The following ZNF664 variants were observed in gnomAD, a reference collection of about 807,000 sequenced individuals.
The protein encoded by ZNF664 is zinc finger protein 664.
A neutral mutation model predicts 18.2 loss-of-function variants in ZNF664; 10 were observed. The observed-to-expected ratio is 0.55, with a 90% CI of 0.34 to 0.93. ZNF664 has a LOEUF of 0.93. Ranked by LOEUF, ZNF664 falls within the 40% of genes least tolerant of loss-of-function variation. The pLI, the probability that ZNF664 is intolerant of heterozygous loss-of-function variation, is 0.02. For missense variants in ZNF664, 193 were observed against 319.0 expected, an observed-to-expected ratio of 0.61 and a Z score of 3.01; for synonymous variants, 119 against 104.2, an observed-to-expected ratio of 1.14 and a Z score of -0.86.
In ZNF664 at chr12:124,013,013, G is replaced by T. The variant is rs1460077567; in HGVS notation, c.*83G>T. The T allele has an allele frequency of 6.8e-6, 10 of 1,470,186 alleles. No homozygotes were observed. The African/African-American group carries it at 7.1e-5, about 11-fold the overall frequency. The allele number at this position is 1,470,186 out of a possible 1,614,324, so 91.1% of individuals were successfully genotyped here. A position where few individuals can be genotyped will look rare whatever the true frequency, so the allele number is the denominator to read the frequency against. On this transcript the variant is annotated 3_prime_UTR_variant, in exon 5 of 5. Coordinates refer to ENST00000337815, the MANE Select transcript of ZNF664 (RefSeq NM_152437.3). ...CCTGTATATACCTACATTGACCCAA[G>T]AAATATTTACGCAATCCCTAGCAGA...
intron 2 of ZNF664, among the ~76,000 whole-genome samples, chr12:123,986,208 A>T (rs1177457174): frequency 6.6e-6 from 1 of 152,096 alleles, no homozygotes; most frequent in Non-Finnish European, 1.5e-5. Flanking sequence ...GAGTTGAAGG[A>T]AGTGTTTTAG....
At chr12:123,985,053 G>T (rs546615496) in intron 2 of ZNF664, among the ~76,000 whole-genome samples, 1 of 152,188 alleles carries the variant, frequency 6.6e-6, no homozygotes, top group South Asian at 2.1e-4. Context: ...GAGCAGTTTT[G>T]TAGTGGGGGT....
intron 2 of ZNF664, among the ~76,000 whole-genome samples, chr12:123,982,511 G>A (rs1443651299): frequency 6.6e-6 from 1 of 152,084 alleles, no homozygotes; most frequent in Non-Finnish European, 1.5e-5. Flanking sequence ...ACTCTGGAAG[G>A]CCATTCTGAA....
At chr12:123,977,480 A>C (rs865905330) in intron 2 of ZNF664, among the ~76,000 whole-genome samples, 2 of 148,830 alleles carry the variant, frequency 1.3e-5, no homozygotes, top group African/African-American at 5.1e-5. Context: ...AAAAAAAAAA[A>C]CCCTAAACAA....
At chr12:124,007,724 A>G (rs530069066) in intron 3 of ZNF664, among the ~76,000 whole-genome samples, 1 of 152,180 alleles carries the variant, frequency 6.6e-6, no homozygotes, top group Admixed American at 6.5e-5. Context: ...GAAAATTTCA[A>G]CCATACACAA....
chr12:123,988,083 C>T lies in ZNF664; in HGVS notation c.-716C>T. The T allele has an allele frequency of 8.1e-7, 1 of 1,231,548 alleles. No individual in the cohort carries two copies. The highest frequency in any genetic ancestry group is 1.0e-6 in the Non-Finnish European group (1 of 987,862). 76.3% of individuals were successfully genotyped at this position (1,231,548 alleles called of 1,614,324 possible). ...TTTGTAGTCCTTCAGCCACTGTGGG[C>T]CCTGCCTCTGCCTGTTCTTCTGGAA... On this transcript the variant is annotated 5_prime_UTR_variant, in exon 3 of 5. Coordinates refer to ENST00000337815, the MANE Select transcript of ZNF664 (RefSeq NM_152437.3).
Position 123,973,365 on chromosome 12 carries a change from C to A in ZNF664, c.-892+13C>A. On this transcript the variant is annotated intron_variant, in intron 1 of 4. Coordinates refer to ENST00000337815, the MANE Select transcript of ZNF664 (RefSeq NM_152437.3). Reference sequence around the variant, plus strand: ...CCCCTCACTTGGAGTGAGTTCTCGGCGGCCGGGCTGCAGTCTTTCTTTCTT... The same window carrying A: ...CCCCTCACTTGGAGTGAGTTCTCGGAGGCCGGGCTGCAGTCTTTCTTTCTT... The A allele has an allele frequency of 2.1e-6, 2 of 975,528 alleles. No individual in the cohort carries two copies. Among genetic ancestry groups the A allele is most frequent in the Non-Finnish European group, 2.4e-6 (2 of 828,038 alleles). The allele number at this position is 975,528 out of a possible 1,614,324, so 60.4% of individuals were successfully genotyped here.
chr12:123,999,212 A>G (rs1956984135), intron 3 of ZNF664, among the ~76,000 whole-genome samples: 1 of 152,120 alleles, frequency 6.6e-6, no homozygotes, highest in African/African-American at 2.4e-5. Flanking sequence ...GGTAGTGGTT[A>G]TTTTTGGTAG....
In ZNF664 at chr12:123,978,168, GA is replaced by G. The variant is rs138191219; in HGVS notation, c.-757+4158del. 1.0e-4 allele frequency among the ~76,000 whole-genome samples: 15 copies of G among 146,112 alleles called. No individual in the cohort carries two copies. The East Asian group carries it at 1.4e-3, about 14-fold the overall frequency. ...AAATTTATTCTTTAGGAAGAGAAGGGAAAAAAAAAACCCGAATCATAAAGTG... is the reference window on the plus strand; with the variant it reads ...AAATTTATTCTTTAGGAAGAGAAGGGAAAAAAAAACCCGAATCATAAAGTG... On this transcript the variant is annotated intron_variant, in intron 2 of 4. Coordinates refer to ENST00000337815, the MANE Select transcript of ZNF664 (RefSeq NM_152437.3).
intron 1 of ZNF664, 178 bp from the exon 2 acceptor site, chr12:123,973,708 C>T: frequency 1.8e-6 from 2 of 1,109,606 alleles, no homozygotes; most frequent in Non-Finnish European, 2.3e-6. Flanking sequence ...CCGAGCCAGG[C>T]TCCATTGTTG....
chr12:124,010,617 G>A (rs2138461255), intron 3 of ZNF664, among the ~76,000 whole-genome samples: 1 of 152,314 alleles, frequency 6.6e-6, no homozygotes, highest in Admixed American at 6.5e-5. Context: ...GTACTCTATA[G>A]ATTTTCAGAA....
intron 2 of ZNF664, among the ~76,000 whole-genome samples, chr12:123,977,480 A>AAAAC (rs1956709109): frequency 1.3e-5 from 2 of 148,830 alleles, no homozygotes; most frequent in South Asian, 2.1e-4. Flanking sequence ...AAAAAAAAAA[A>AAAAC]CCCTAAACAA....
intron 3 of ZNF664, among the ~76,000 whole-genome samples, chr12:123,990,445 T>C (rs908555808): frequency 6.6e-6 from 1 of 152,102 alleles, no homozygotes; most frequent in Non-Finnish European, 1.5e-5. Flanking sequence ...GCCCAACCTG[T>C]CTTCCTTCTT....
rs1280359097 is a variant in ZNF664 at position 124,014,216 on chromosome 12, G to C, written c.*1286G>C. 1 of 167,094 alleles carries C rather than the reference G, an allele frequency of 6.0e-6. No homozygotes were observed. Among genetic ancestry groups the C allele is most frequent in the African/African-American group, 2.4e-5 (1 of 41,430 alleles). 10.4% of individuals were successfully genotyped at this position (167,094 alleles called of 1,614,324 possible). ...GGGGTGACATTAGCTAGTGGTCAGG[G>C]AGGCCTTTCCGCGGTGGGATGTTGA... On this transcript the variant is annotated 3_prime_UTR_variant, in exon 5 of 5. Coordinates refer to ENST00000337815, the MANE Select transcript of ZNF664 (RefSeq NM_152437.3).
intron 2 of ZNF664, among the ~76,000 whole-genome samples, chr12:123,986,146 C>A (rs1956822158): frequency 6.6e-6 from 1 of 152,094 alleles, no homozygotes; most frequent in African/African-American, 2.4e-5. Flanking sequence ...TGCCCAGAAT[C>A]TGTTTGTTTG....
chr12:123,994,415 C>T (rs537843759), intron 3 of ZNF664, among the ~76,000 whole-genome samples: 2 of 152,290 alleles, frequency 1.3e-5, no homozygotes, highest in South Asian at 4.1e-4. Context: ...AAACTCATTA[C>T]ATGCTAACAT....
intron 3 of ZNF664, among the ~76,000 whole-genome samples, chr12:123,995,616 G>A (rs1956939667): frequency 6.6e-6 from 1 of 152,210 alleles, no homozygotes; most frequent in Non-Finnish European, 1.5e-5. Flanking sequence ...GTCAGTTAGG[G>A]CTGCCTGGTA....
chr12:124,002,905 C>A (rs367679944), intron 3 of ZNF664, among the ~76,000 whole-genome samples: 4 of 152,088 alleles, frequency 2.6e-5, no homozygotes, highest in Non-Finnish European at 5.9e-5. Flanking sequence ...TGGTCCCAAG[C>A]AGGAGCCCTG....
At chr12:123,996,334 A>T (rs1956948098) in intron 3 of ZNF664, among the ~76,000 whole-genome samples, 2 of 152,188 alleles carry the variant, frequency 1.3e-5, no homozygotes, top group Admixed American at 6.5e-5. Flanking sequence ...ATTTGTTGGC[A>T]GAAACTGCTG....
Sources: allele counts gnomAD v4.1 joint callset (sites outside exome capture counted in the v4.1 genomes callset), GRCh38; gene constraint gnomAD v4.1.1; transcripts MANE v1.5; gene names NCBI Gene and HGNC (gene_info 2026-07-23, HGNC 2026-07-21).